The following ARSH variants were observed in gnomAD, a reference collection of about 807,000 sequenced individuals.
ARSH encodes arylsulfatase family member H.
ARSH carries 32 observed loss-of-function variants against 28.7 expected under a neutral mutation model. The ratio of observed to expected loss-of-function variants is 1.11; its 90% confidence interval spans 0.84 to 1.50. The LOEUF (loss-of-function observed/expected upper bound fraction) is 1.50. Ranked by LOEUF, ARSH falls within the 40% of genes most tolerant of loss-of-function variation. The pLI, the probability that ARSH is intolerant of heterozygous loss-of-function variation, is 0.00. For missense variants in ARSH, 440 were observed against 452.4 expected, an observed-to-expected ratio of 0.97 and a Z score of 0.25; for synonymous variants, 176 against 177.3, an observed-to-expected ratio of 0.99 and a Z score of 0.06.
At position 3,033,856 on chromosome X, in the gene ARSH, A is replaced by T. The variant is rs537478659; in HGVS notation, c.*471A>T. On this transcript the variant is annotated 3_prime_UTR_variant, in exon 9 of 9. Coordinates refer to ENST00000381130, the MANE Select transcript of ARSH (RefSeq NM_001011719.2). ...CTGTTATAGTCAGTTTGACTTCTTG[A>T]TTTTCTCTCTTTCCTTCTTTTCTCT... Among the ~76,000 whole-genome samples, 203 of 111,104 alleles carry T rather than the reference A, an allele frequency of 1.8e-3. No homozygotes were observed. Among genetic ancestry groups the T allele is most frequent in the African/African-American group, 6.1e-3 (187 of 30,589 alleles).
chrX:3,026,721 C>T (rs1475129187), intron 6 of ARSH, among the ~76,000 whole-genome samples: 2 of 112,357 alleles, frequency 1.8e-5, no homozygotes, highest in Non-Finnish European at 3.8e-5. Context: ...AACTCTGCCT[C>T]TGGCCATTTT....
intron 1 of ARSH, 105 bp downstream of exon 1, chrX:3,006,809 C>A: frequency 3.0e-6 from 2 of 670,234 alleles, no homozygotes; most frequent in South Asian, 3.6e-5. Context: ...AAGTCATTGT[C>A]TGATGTTATC....
At position 3,021,707 on chromosome X, in the gene ARSH, C is replaced by CTTTT. The variant is rs3032483; in HGVS notation, c.902-2300_902-2297dup. ...TGCCTATTAAAAAACACTTTTAGTC[C>CTTTT]TTTTTTTTTTTTTTTTTAAGACACA... On this transcript the variant is annotated intron_variant, in intron 5 of 8. Transcript: ENST00000381130. Among the ~76,000 whole-genome samples the CTTTT allele has an allele frequency of 5.6e-3, 506 of 90,198 alleles. 6 individuals are homozygous for CTTTT. The highest frequency in any genetic ancestry group is 0.02 in the African/African-American group (486 of 24,127). 78.3% of individuals were successfully genotyped at this position (90,198 alleles called of 115,157 possible). A position where few individuals can be genotyped will look rare whatever the true frequency, so the allele number is the denominator to read the frequency against.
intron 6 of ARSH, 133 bp downstream of exon 6, chrX:3,024,288 G>C: frequency 3.7e-6 from 2 of 536,856 alleles, no homozygotes; most frequent in Non-Finnish European, 2.5e-6. Flanking sequence ...AAGCTAGACC[G>C]AAAAAAAAAA....
chrX:3,013,324 T>C, intron 3 of ARSH, 152 bp downstream of exon 3: 1 of 643,917 alleles, frequency 1.6e-6, no homozygotes, highest in Non-Finnish European at 2.2e-6. Context: ...TGATCACACA[T>C]TGATTGAGCA....
chrX:3,016,660 C>T (rs772367235), intron 4 of ARSH, among the ~76,000 whole-genome samples: 278 of 111,057 alleles, frequency 2.5e-3, no homozygotes, highest in Non-Finnish European at 4.1e-3. Flanking sequence ...TCACTGAAAC[C>T]TCAAACTCCT....
intron 5 of ARSH, 148 bp downstream of exon 5, chrX:3,018,818 C>T: frequency 5.1e-6 from 3 of 589,526 alleles, no homozygotes; most frequent in Non-Finnish European, 7.5e-6. Context: ...GGATTAAAAG[C>T]TGGCTTTTAA....
Position 3,029,291 on chromosome X carries a change from C to T in ARSH, c.1244C>T (p.Ala415Val), listed in dbSNP as rs760186999. 9 of 1,210,255 alleles carry T rather than the reference C, an allele frequency of 7.4e-6. No individual in the cohort carries two copies. Among genetic ancestry groups the T allele is most frequent in the African/African-American group, 1.7e-5 (1 of 57,563 alleles). ...CTAATGCCCCTGCTGGAAGGAAGGG[C>T]GTCCCACTCCGACCACGAGTTCCTC... ...QNLMPLLEGRASHSDHEFLFH... is the reference protein window; with the variant it reads ...QNLMPLLEGRVSHSDHEFLFH... The change falls in exon 8 of 9, where the codon GCG (alanine) becomes GTG (valine). Residue 415 changes from alanine (A) to valine (V), a missense_variant. Ala to Val is a moderately conservative substitution (Grantham distance 64, BLOSUM62 0). Transcript: ENST00000381130.
chrX:3,009,496 A>G (rs1286538312), intron 1 of ARSH, among the ~76,000 whole-genome samples: 1 of 109,940 alleles, frequency 9.1e-6, no homozygotes, highest in African/African-American at 3.3e-5. Flanking sequence ...TTAAATACAA[A>G]TTTAAATAAA....
intron 2 of ARSH, among the ~76,000 whole-genome samples, chrX:3,012,568 AATAT>A (rs1183166715): frequency 0.013 from 274 of 21,781 alleles, 3 homozygotes; most frequent in African/African-American, 0.02. Context: ...AAAAAAAAAA[AATAT>A]ATATATATAT....
intron 4 of ARSH, among the ~76,000 whole-genome samples, chrX:3,015,847 G>T (rs1421739069): frequency 9.1e-6 from 1 of 109,972 alleles, no homozygotes; most frequent in Non-Finnish European, 1.9e-5. Flanking sequence ...AAAACTTTAG[G>T]TGACATTTGT....
chrX:3,008,167 A>G (rs1047253949), intron 1 of ARSH, among the ~76,000 whole-genome samples: 1 of 111,884 alleles, frequency 8.9e-6, no homozygotes, highest in Admixed American at 9.5e-5. Context: ...TCAGCACTTC[A>G]TTCCTTTCCA....
chrX:3,010,828 TTTTG>T (rs1455578883), intron 2 of ARSH, among the ~76,000 whole-genome samples: 1 of 111,958 alleles, frequency 8.9e-6, no homozygotes, highest in East Asian at 2.8e-4. Context: ...TGCTGTTGCA[TTTTG>T]TTTAATTCTA....
chrX:3,030,359 A>G (rs996057253), intron 8 of ARSH, among the ~76,000 whole-genome samples: 1 of 111,652 alleles, frequency 9.0e-6, no homozygotes, highest in African/African-American at 3.3e-5. Context: ...CAGAGAAAAT[A>G]TCAGCTTACT....
intron 5 of ARSH, among the ~76,000 whole-genome samples, chrX:3,020,555 C>G (rs752891005): frequency 4.5e-4 from 41 of 90,278 alleles, no homozygotes; most frequent in African/African-American, 1.7e-3. Context: ...TGCCACTGCA[C>G]TCCAGCCTGG....
At chrX:3,026,201 C>T (rs2089898340) in intron 6 of ARSH, among the ~76,000 whole-genome samples, 1 of 111,087 alleles carries the variant, frequency 9.0e-6, no homozygotes, top group African/African-American at 3.3e-5. Flanking sequence ...ACTTGGGAGG[C>T]TCAGGAGGGA....
intron 2 of ARSH, 146 bp downstream of exon 2, chrX:3,010,297 C>A: frequency 1.3e-6 from 1 of 754,519 alleles, no homozygotes; most frequent in Non-Finnish European, 1.9e-6. Flanking sequence ...CCCTGGGCAG[C>A]TTAAATATGT....
At chrX:3,015,814 C>G (rs1381145987) in intron 4 of ARSH, among the ~76,000 whole-genome samples, 1 of 108,728 alleles carries the variant, frequency 9.2e-6, no homozygotes, top group African/African-American at 3.4e-5. Context: ...GACCCTGTAT[C>G]GAAAATAAAA....
Position 3,033,261 on chromosome X carries a change from C to T in ARSH, c.1565C>T (p.Thr522Ile). 8.3e-7 allele frequency: 1 copy of T among 1,211,571 alleles called. No homozygotes were observed. The highest frequency in any genetic ancestry group is 1.1e-6 in the Non-Finnish European group (1 of 895,398). ...AAIREHRRTL[T>I]PVPQQFSVFN... ...ATAAGAGAGCATCGTAGGACACTAA[C>T]ACCTGTCCCACAGCAGTTCTCTGTG... Residue 522 changes from threonine to isoleucine, a missense_variant, in exon 9 of 9, where the codon ACA (threonine) becomes ATA (isoleucine). Coordinates refer to ENST00000381130, the MANE Select transcript of ARSH (RefSeq NM_001011719.2).
Sources: gnomAD v4.1 joint callset for allele counts (sites outside exome capture counted in the v4.1 genomes callset) on GRCh38, gnomAD v4.1.1 for gene constraint, MANE v1.5 for transcripts, NCBI Gene and HGNC (gene_info 2026-07-23, HGNC 2026-07-21) for gene names.